LYRM4: variants seen among roughly 807,000 people sequenced by gnomAD.
The protein encoded by LYRM4 is LYR motif-containing protein 4.
Under a neutral mutation model 11.7 loss-of-function variants are expected in LYRM4, and 9 were observed. The ratio of observed to expected loss-of-function variants is 0.77; its 90% CI spans 0.46 to 1.34. The LOEUF (loss-of-function observed/expected upper bound fraction) is 1.34. Ranked by LOEUF, LYRM4 falls within the 40% of genes most tolerant of loss-of-function variation. The pLI, the probability that LYRM4 is intolerant of heterozygous loss-of-function variation, is 0.00. For synonymous variants in LYRM4, 42 were observed against 40.4 expected, an observed-to-expected ratio of 1.04 and a Z score of -0.15; for missense variants, 133 against 112.5, an observed-to-expected ratio of 1.18 and a Z score of -0.82.
chr6:5,238,594 T>C lies in LYRM4; in HGVS notation c.87-21856A>G, dbSNP rs1448273276. ...TTCAGTCAGTTGACTTGTTCTTTTT[T>C]CCTTACATAAACAAGTAACAGGGTG... is the stretch of plus-strand genomic sequence containing the variant. On this transcript the variant is annotated intron_variant, in intron 1 of 2. Coordinates refer to ENST00000330636, the MANE Select transcript of LYRM4 (RefSeq NM_020408.6). Among the ~76,000 whole-genome samples, 3 of 152,338 alleles carry C rather than the reference T, an allele frequency of 2.0e-5. No homozygotes were observed. In the East Asian group the frequency reaches 5.8e-4, roughly 29 times the overall value.
chr6:5,187,159 G>C (rs1038537186), intron 2 of LYRM4, among the ~76,000 whole-genome samples: 1 of 152,090 alleles, frequency 6.6e-6, no homozygotes, highest in Admixed American at 6.5e-5. Flanking sequence ...CCCTAACAGA[G>C]GCGATACTAC....
At chr6:5,158,343 G>C (rs1423706261) in intron 2 of LYRM4, among the ~76,000 whole-genome samples, 1 of 152,152 alleles carries the variant, frequency 6.6e-6, no homozygotes, top group Admixed American at 6.5e-5. Flanking sequence ...AATTTACACT[G>C]AATGCACTGT....
chr6:5,100,150 T>A (rs1762454873), downstream of LYRM4, among the ~76,000 whole-genome samples: 1 of 152,170 alleles, frequency 6.6e-6, no homozygotes, highest in African/African-American at 2.4e-5. Flanking sequence ...CAGGCCTCAA[T>A]ATGGCTCCAT....
chr6:5,085,666 C>T, the LYRM4 span: 1 of 1,548,506 alleles, frequency 6.5e-7, no homozygotes, highest in Non-Finnish European at 8.7e-7. Flanking sequence ...GCCCCTGTCC[C>T]CGAAGGAAGA....
At chr6:5,195,681 C>T (rs1581480867) in intron 2 of LYRM4, among the ~76,000 whole-genome samples, 1 of 152,130 alleles carries the variant, frequency 6.6e-6, no homozygotes, top group East Asian at 1.9e-4. Context: ...TGAAGCCCTT[C>T]TCACAAGGAC....
chr6:5,260,598 T>TGCCCCGGCCCCGGGCCCCCCCCCCCCCCC, intron 1 of LYRM4, 50 bp downstream of exon 1: 3 of 1,105,568 alleles, frequency 2.7e-6, no homozygotes, highest in African/African-American at 1.7e-5. Flanking sequence ...GCACCCCCGG[T>TGCCCCGGCCCCGGGCCCCCCCCCCCCCCC]CCCCGGCCCC....
chr6:5,221,995 T>C (rs1192845415), intron 1 of LYRM4, among the ~76,000 whole-genome samples: 1 of 152,208 alleles, frequency 6.6e-6, no homozygotes, highest in Non-Finnish European at 1.5e-5. Flanking sequence ...ATGTGTGTAG[T>C]GTATAATCAA....
At chr6:5,156,235 C>A (rs971306615) in intron 2 of LYRM4, among the ~76,000 whole-genome samples, 2 of 152,220 alleles carry the variant, frequency 1.3e-5, no homozygotes, top group African/African-American at 2.4e-5. Context: ...AGGCTCACAG[C>A]CCCTTTTTCT....
chr6:5,193,692 A>G (rs1463893898), intron 2 of LYRM4, among the ~76,000 whole-genome samples: 2 of 152,242 alleles, frequency 1.3e-5, no homozygotes, highest in African/African-American at 4.8e-5. Flanking sequence ...GCTGAGACAG[A>G]TGAACAGCCA....
chr6:5,127,995 A>C (rs1165673023), intron 2 of LYRM4, among the ~76,000 whole-genome samples: 1 of 152,214 alleles, frequency 6.6e-6, no homozygotes, highest in African/African-American at 2.4e-5. Context: ...TATTTCCTCC[A>C]ATGGAGACAT....
In LYRM4 at chr6:5,109,333, T is replaced by C. The variant is rs1762770677; in HGVS notation, c.*90A>G. 2 of 1,597,872 alleles carry C rather than the reference T, an allele frequency of 1.3e-6. No homozygotes were observed. Among genetic ancestry groups the C allele is most frequent in the Non-Finnish European group, 1.7e-6 (2 of 1,168,290 alleles). On this transcript the variant is annotated 3_prime_UTR_variant, in exon 3 of 3. Transcript: ENST00000330636. ...CAGGACAGGCAGCGCAAAAGGCTAT[T>C]GTAAGCTGGTTTTGGGAGCCCCCAT...
chr6:5,230,060 C>T (rs1002965214), intron 1 of LYRM4, among the ~76,000 whole-genome samples: 5 of 152,126 alleles, frequency 3.3e-5, no homozygotes, highest in African/African-American at 9.7e-5. Flanking sequence ...TAAAATGAAA[C>T]GTGTTTAGCT....
intron 1 of LYRM4, 90 bp downstream of exon 1, chr6:5,260,558 C>T (rs1308223809): frequency 3.3e-6 from 5 of 1,496,916 alleles, no homozygotes; most frequent in Non-Finnish European, 4.5e-6. Flanking sequence ...ACGGTGGCTC[C>T]CAGTCCCCGG....
chr6:5,084,845 G>A, the LYRM4 span: 1 of 152,298 alleles, frequency 6.6e-6, no homozygotes, highest in African/African-American at 2.4e-5. Flanking sequence ...CTCCGGCGGC[G>A]CGGAATGGGC....
intron 2 of LYRM4, among the ~76,000 whole-genome samples, chr6:5,120,444 C>T (rs1293767332): frequency 1.3e-5 from 2 of 152,106 alleles, no homozygotes; most frequent in Non-Finnish European, 2.9e-5. Context: ...AGCCACAGAC[C>T]TTTACCGTGA....
chr6:5,140,829 T>C (rs1292482976), intron 2 of LYRM4, among the ~76,000 whole-genome samples: 1 of 152,220 alleles, frequency 6.6e-6, no homozygotes, highest in African/African-American at 2.4e-5. Flanking sequence ...AACCAAAACG[T>C]AGACTTTCCT....
chr6:5,037,935 C>T, the LYRM4 span, among the ~76,000 whole-genome samples: 2 of 53,130 alleles, frequency 3.8e-5, no homozygotes, highest in African/African-American at 5.2e-5. Flanking sequence ...GCTGGCCGGG[C>T]GGGGGGCTGA....
rs1762850147 is a variant in LYRM4, at chr6:5,110,877, G to C, written c.208-1386C>G. Among the ~76,000 whole-genome samples, 5 of 152,180 alleles carry C rather than the reference G, an allele frequency of 3.3e-5. 1 individual carries two copies. In the South Asian group the frequency reaches 1.0e-3, roughly 32 times the overall value. ...GTGCTGCGTTTCTCGCAACCTGCAGGTAATGCTGATGCTGCTGGTCCACGG... is the reference window on the plus strand; with the variant it reads ...GTGCTGCGTTTCTCGCAACCTGCAGCTAATGCTGATGCTGCTGGTCCACGG... On this transcript the variant is annotated intron_variant, in intron 2 of 2. Coordinates refer to ENST00000330636, the MANE Select transcript of LYRM4 (RefSeq NM_020408.6).
chr6:5,086,408 C>G, the LYRM4 span: 1 of 1,536,344 alleles, frequency 6.5e-7, no homozygotes, highest in East Asian at 2.4e-5. Context: ...TGCCTGCCCC[C>G]GGGCCTGCAG....
Sources: allele counts gnomAD v4.1 joint callset (sites outside exome capture counted in the v4.1 genomes callset), GRCh38; gene constraint gnomAD v4.1.1; transcripts MANE v1.5; gene names NCBI Gene and HGNC (gene_info 2026-07-23, HGNC 2026-07-21).